ATP8A2: variants seen among roughly 807,000 people sequenced by gnomAD.
ATP8A2 encodes ATPase phospholipid transporting 8A2, also known as phospholipid-transporting ATPase IB.
Under a neutral mutation model 165.6 loss-of-function variants are expected in ATP8A2, and 100 were observed. That is an observed-to-expected ratio of 0.60 (90% CI 0.51 to 0.71). ATP8A2 has a LOEUF of 0.71. Among genes scored for constraint, ATP8A2 ranks in the 30% least tolerant of loss-of-function variants. The pLI, the probability that ATP8A2 is intolerant of heterozygous loss-of-function variation, is 0.00. For synonymous variants in ATP8A2, 543 were observed against 548.8 expected, an observed-to-expected ratio of 0.99 and a Z score of 0.15; for missense variants, 1,227 against 1,479.5, an observed-to-expected ratio of 0.83 and a Z score of 2.80.
intron 2 of ATP8A2, among the ~76,000 whole-genome samples, chr13:25,499,226 A>C (rs1425900742): frequency 6.6e-6 from 1 of 152,196 alleles, no homozygotes; most frequent in Non-Finnish European, 1.5e-5. Flanking sequence ...TTTAAGGAAG[A>C]CTTGGCAAAG....
intron 6 of ATP8A2, among the ~76,000 whole-genome samples, chr13:25,535,276 A>C (rs1162937790): frequency 6.6e-6 from 1 of 152,164 alleles, no homozygotes; most frequent in Admixed American, 6.5e-5. Context: ...GAAGTGCTGA[A>C]GCTCAGATCT....
chr13:25,430,279 C>T (rs572367509), intron 1 of ATP8A2, among the ~76,000 whole-genome samples: 44 of 151,384 alleles, frequency 2.9e-4, no homozygotes, highest in African/African-American at 9.5e-4. Context: ...ACTGTGGGGG[C>T]GTCTCCGGTA....
intron 25 of ATP8A2, among the ~76,000 whole-genome samples, chr13:25,711,236 C>G (rs2043152262): frequency 6.6e-6 from 1 of 152,140 alleles, no homozygotes; most frequent in South Asian, 2.1e-4. Context: ...AACTCCTGAC[C>G]TCAAGACACC....
At chr13:25,469,395 G>A (rs920921018) in intron 2 of ATP8A2, among the ~76,000 whole-genome samples, 3 of 152,200 alleles carry the variant, frequency 2.0e-5, no homozygotes, top group Non-Finnish European at 4.4e-5. Flanking sequence ...TAATGTCACC[G>A]ACAAAAACGA....
At chr13:25,650,265 G>A (rs1431716356) in intron 24 of ATP8A2, among the ~76,000 whole-genome samples, 8 of 152,252 alleles carry the variant, frequency 5.3e-5, no homozygotes, top group Admixed American at 6.5e-5. Context: ...TCACCAAGGC[G>A]TTCTTGTCTG....
chr13:25,439,964 G>C (rs2034887458), intron 1 of ATP8A2, among the ~76,000 whole-genome samples: 1 of 152,058 alleles, frequency 6.6e-6, no homozygotes, highest in South Asian at 2.1e-4. Flanking sequence ...GTCACTGCAG[G>C]CTATGGAGTT....
At chr13:25,547,854 C>T (rs1017285392) in intron 10 of ATP8A2, among the ~76,000 whole-genome samples, 1 of 152,050 alleles carries the variant, frequency 6.6e-6, no homozygotes, top group African/African-American at 2.4e-5. Context: ...TTTATAAGTC[C>T]GTTACACTGA....
intron 25 of ATP8A2, among the ~76,000 whole-genome samples, chr13:25,738,064 G>A (rs531390195): frequency 1.3e-5 from 2 of 152,266 alleles, no homozygotes; most frequent in East Asian, 1.9e-4. Context: ...AGACCACGTC[G>A]TACATTAGGC....
In ATP8A2 at chr13:25,530,004, C is replaced by A; in HGVS notation, c.227C>A (p.Ala76Asp). Residue 76 changes from alanine (A) to aspartate (D), a missense_variant, in exon 3 of 37, where the codon GCC becomes GAC. By Grantham distance (126) the Ala-to-Asp change is moderately radical (BLOSUM62 -2). Transcript: ENST00000381655. ...NKFRDNQISTAKYSVLTFLPR... is the reference protein window; with the variant it reads ...NKFRDNQISTDKYSVLTFLPR... ...ATTTTTCTTTGCACTTACAGTACGG[C>A]CAAGTACAGCGTGTTGACATTTCTA... 2 of 1,605,232 alleles carry A rather than the reference C, an allele frequency of 1.2e-6. No homozygotes were observed. The highest frequency in any genetic ancestry group is 1.7e-6 in the Non-Finnish European group (2 of 1,172,720).
intron 33 of ATP8A2, among the ~76,000 whole-genome samples, chr13:25,913,361 T>A (rs1954176465): frequency 6.6e-6 from 1 of 152,114 alleles, no homozygotes; most frequent in Admixed American, 6.5e-5. Context: ...GAGAAAAAAA[T>A]ATATCCATTA....
intron 1 of ATP8A2, among the ~76,000 whole-genome samples, chr13:25,386,793 C>G (rs553562921): frequency 6.6e-6 from 1 of 151,986 alleles, no homozygotes; most frequent in Non-Finnish European, 1.5e-5. Flanking sequence ...GTCAGGAGAT[C>G]GAGACCAATC....
At position 25,750,644 on chromosome 13, in the gene ATP8A2, G is replaced by A. The variant is rs2044133640; in HGVS notation, c.2385-18402G>A. On this transcript the variant is annotated intron_variant, in intron 25 of 36. Transcript: ENST00000381655. This position sits in a 1 kb window ranked among gnomAD's most constrained non-coding sequence, Gnocchi z 4.3. The stretch of plus-strand genomic sequence containing the variant: ...ATGAGTGTGTTCCAGTAATAGGGAG[G>A]AAGTGTGGGGAGCCTGGGGGCCCTG... Among the ~76,000 whole-genome samples the A allele has an allele frequency of 6.6e-6, 1 of 152,164 alleles. No individual in the cohort carries two copies. Among genetic ancestry groups the A allele is most frequent in the Non-Finnish European group, 1.5e-5 (1 of 68,040 alleles).
chr13:25,444,643 T>G (rs75131203), intron 1 of ATP8A2, among the ~76,000 whole-genome samples: 4,610 of 152,030 alleles, frequency 0.03, 96 homozygotes, highest in African/African-American at 0.048. Context: ...CTGTTTTTTT[T>G]TTTTGTTTTG....
intron 24 of ATP8A2, among the ~76,000 whole-genome samples, chr13:25,637,074 C>T (rs1227174831): frequency 9.5e-6 from 1 of 105,344 alleles, no homozygotes; most frequent in African/African-American, 3.8e-5. Flanking sequence ...GCCTGGGTGA[C>T]AGAGCAAGAC....
intron 33 of ATP8A2, among the ~76,000 whole-genome samples, chr13:25,915,259 C>G (rs573144216): frequency 6.6e-6 from 1 of 152,174 alleles, no homozygotes; most frequent in South Asian, 2.1e-4. Context: ...TTACCATCAA[C>G]GGGTTGTGTA....
intron 24 of ATP8A2, among the ~76,000 whole-genome samples, chr13:25,622,315 G>T (rs529156136): frequency 5.9e-5 from 9 of 152,168 alleles, no homozygotes; most frequent in African/African-American, 2.2e-4. Context: ...TTCTTATGGA[G>T]AGGGGAAGCA....
At chr13:25,554,510 CA>C in intron 12 of ATP8A2, among the ~76,000 whole-genome samples, 1 of 105,726 alleles carries the variant, frequency 9.5e-6, no homozygotes, top group Non-Finnish European at 2.1e-5. Flanking sequence ...AAATATAAAT[CA>C]TGTGTGTGTG....
intron 34 of ATP8A2, among the ~76,000 whole-genome samples, chr13:25,964,419 C>T (rs1410202226): frequency 6.6e-6 from 1 of 152,124 alleles, no homozygotes; most frequent in Non-Finnish European, 1.5e-5. Flanking sequence ...TGCTCCAAAC[C>T]CGAAGTATTT....
chr13:25,831,216 C>CT (rs71759758), intron 28 of ATP8A2, among the ~76,000 whole-genome samples: 74,979 of 133,416 alleles, frequency 0.56, 21,416 homozygotes, highest in East Asian at 0.69. Flanking sequence ...AACTAATTTT[C>CT]TTTTTTTTTT....
Sources: gnomAD v4.1 joint callset for allele counts (sites outside exome capture counted in the v4.1 genomes callset) on GRCh38, gnomAD v4.1.1 for gene constraint, Gnocchi (gnomAD v3.1) non-coding constraint, MANE v1.5 for transcripts, NCBI Gene and HGNC (gene_info 2026-07-23, HGNC 2026-07-21) for gene names.